The following NEBL variants were observed in gnomAD, a reference collection of about 807,000 sequenced individuals.
NEBL encodes the protein nebulette.
In NEBL, 122 loss-of-function variants were observed where a neutral mutation model predicts 140.2. The ratio of observed to expected loss-of-function variants is 0.87; its 90% confidence interval spans 0.75 to 1.01. The LOEUF (loss-of-function observed/expected upper bound fraction) is 1.01. Among genes scored for constraint, NEBL ranks in the 50% least tolerant of loss-of-function variants. NEBL has a pLI of 0.00. For missense variants in NEBL, 1,365 were observed against 1,231.3 expected (o/e 1.11, Z -1.62); for synonymous variants, 436 against 398.9 (o/e 1.09, Z -1.11).
intron 2 of NEBL, among the ~76,000 whole-genome samples, chr10:21,170,932 A>G (rs1589309430): frequency 6.6e-6 from 1 of 152,150 alleles, no homozygotes; most frequent in South Asian, 2.1e-4. Context: ...TACTTCAAAA[A>G]CTGTAGGGAG....
chr10:20,996,135 G>C (rs1837656704), intron 3 of NEBL, among the ~76,000 whole-genome samples: 2 of 152,170 alleles, frequency 1.3e-5, no homozygotes, highest in South Asian at 4.1e-4. Context: ...AAGAAGGCTG[G>C]AGACTTCTAG....
intron 2 of NEBL, among the ~76,000 whole-genome samples, chr10:21,064,210 T>C (rs1835430947): frequency 8.0e-6 from 1 of 124,832 alleles, no homozygotes; most frequent in Admixed American, 7.9e-5. Flanking sequence ...AAATATAGAG[T>C]TAACGTCAAA....
At chr10:21,129,803 T>G (rs1179911901) in intron 2 of NEBL, among the ~76,000 whole-genome samples, 1 of 151,514 alleles carries the variant, frequency 6.6e-6, no homozygotes, top group African/African-American at 2.4e-5. Flanking sequence ...ATTAAAACCG[T>G]AAAAATTAGA....
At chr10:21,176,450 A>AT (rs1425741301), upstream of NEBL, among the ~76,000 whole-genome samples, 1 of 152,040 alleles carries the variant, frequency 6.6e-6, no homozygotes, top group Non-Finnish European at 1.5e-5. Flanking sequence ...TTTTTCTCTC[A>AT]TTTTTTTCTC....
At chr10:21,067,332 G>T (rs995153530) in intron 2 of NEBL, among the ~76,000 whole-genome samples, 1 of 152,042 alleles carries the variant, frequency 6.6e-6, no homozygotes, top group Non-Finnish European at 1.5e-5. Context: ...TAAAAATTCA[G>T]TTTTGTGATA....
intron 4 of NEBL, among the ~76,000 whole-genome samples, chr10:20,955,729 T>C (rs1835769060): frequency 6.6e-6 from 1 of 152,084 alleles, no homozygotes; most frequent in Admixed American, 6.6e-5. Context: ...ATCTGGTCAT[T>C]GTGTTTTAGA....
intron 3 of NEBL, among the ~76,000 whole-genome samples, chr10:21,226,350 T>C (rs1215300109): frequency 6.6e-6 from 1 of 151,570 alleles, no homozygotes; most frequent in Non-Finnish European, 1.5e-5. Context: ...GTTATGAGAG[T>C]GGTGACATGA....
chr10:20,851,645 C>T (rs547258158), intron 10 of NEBL, among the ~76,000 whole-genome samples: 1 of 150,806 alleles, frequency 6.6e-6, no homozygotes, highest in Non-Finnish European at 1.5e-5. Flanking sequence ...ATTAGCCAGG[C>T]GTGGTGGCAT....
At chr10:20,951,817 G>C (rs1299203297) in intron 4 of NEBL, among the ~76,000 whole-genome samples, 2 of 152,034 alleles carry the variant, frequency 1.3e-5, no homozygotes, top group African/African-American at 4.8e-5. Context: ...TGTCCCAAAA[G>C]GTATAATAAA....
At chr10:20,961,806 G>A (rs1342971894) in intron 3 of NEBL, 1 of 1,542,116 alleles carries the variant, frequency 6.5e-7, no homozygotes, top group African/African-American at 1.4e-5. Flanking sequence ...AAAGAAAAGT[G>A]AACAGAGGGA....
At chr10:21,110,469 T>A (rs746538644) in intron 2 of NEBL, among the ~76,000 whole-genome samples, 2 of 152,186 alleles carry the variant, frequency 1.3e-5, no homozygotes, top group African/African-American at 2.4e-5. Context: ...TCTTTTAATA[T>A]CTATACAATC....
intron 2 of NEBL, among the ~76,000 whole-genome samples, chr10:21,089,234 A>C (rs1836793882): frequency 6.6e-6 from 1 of 152,174 alleles, no homozygotes; most frequent in African/African-American, 2.4e-5. Context: ...GTGGGGTGAC[A>C]TGAGGTCAGG....
At chr10:21,239,743 C>T (rs908676544) in intron 3 of NEBL, among the ~76,000 whole-genome samples, 3 of 152,108 alleles carry the variant, frequency 2.0e-5, no homozygotes, top group Admixed American at 6.6e-5. Context: ...AGTGGCAGGG[C>T]GCGGTGGCTC....
At chr10:20,933,589 C>G (rs1226874895) in intron 4 of NEBL, among the ~76,000 whole-genome samples, 1 of 140,668 alleles carries the variant, frequency 7.1e-6, no homozygotes. Context: ...CAAAAATTAG[C>G]CGGGTGTGGT....
intron 2 of NEBL, among the ~76,000 whole-genome samples, chr10:21,094,249 T>C (rs1443890626): frequency 2.0e-5 from 3 of 152,068 alleles, no homozygotes; most frequent in Non-Finnish European, 4.4e-5. Flanking sequence ...ACGCCTGTAA[T>C]CCCAGCACTT....
At chr10:21,028,926 C>A (rs1833655986) in intron 2 of NEBL, 4 of 455,168 alleles carry the variant, frequency 8.8e-6, no homozygotes, top group Non-Finnish European at 1.5e-5. Flanking sequence ...TTTTAAATTC[C>A]ACTAAAAAAT....
intron 3 of NEBL, among the ~76,000 whole-genome samples, chr10:21,012,714 A>G (rs1055558869): frequency 3.3e-5 from 5 of 152,130 alleles, no homozygotes; most frequent in Admixed American, 2.6e-4. Flanking sequence ...TAGATAGACT[A>G]TATATTGAAA....
At chr10:21,247,221 T>C (rs1842528752) in intron 3 of NEBL, among the ~76,000 whole-genome samples, 2 of 152,224 alleles carry the variant, frequency 1.3e-5, no homozygotes, top group African/African-American at 4.8e-5. Context: ...GTCTCACAGT[T>C]ATTTATAGCA....
chr10:21,151,892 T>C (rs1474587036), intron 2 of NEBL, among the ~76,000 whole-genome samples: 1 of 152,242 alleles, frequency 6.6e-6, no homozygotes, highest in African/African-American at 2.4e-5. Context: ...CCGTTTCTAA[T>C]ATTTTACTGA....
Sources: gnomAD v4.1 joint callset for allele counts (sites outside exome capture counted in the v4.1 genomes callset) on GRCh38, gnomAD v4.1.1 for gene constraint, MANE v1.5 for transcripts, NCBI Gene and HGNC (gene_info 2026-07-23, HGNC 2026-07-21) for gene names.